WNK2: variants seen among roughly 807,000 people sequenced by gnomAD.
WNK2 encodes the protein serine/threonine-protein kinase WNK2.
WNK2 carries 67 observed loss-of-function variants against 192.1 expected under a neutral mutation model. The ratio of observed to expected loss-of-function variants is 0.35; its 90% CI spans 0.29 to 0.43. WNK2 has a LOEUF of 0.43. Among genes scored for constraint, WNK2 ranks in the 20% least tolerant of loss-of-function variants. The pLI, the probability that WNK2 is intolerant of heterozygous loss-of-function variation, is 1.00. For missense variants in WNK2, 2,698 were observed against 3,089.7 expected (o/e 0.87, Z 3.01); for synonymous variants, 1,439 against 1,393.9 (o/e 1.03, Z -0.72).
In WNK2 at chr9:93,184,970, T is replaced by A; in HGVS notation, c.41T>A (p.Leu14Gln). Residue 14 changes from leucine (L) to glutamine (Q), a missense_variant, in exon 2 of 30, where the codon CTG (leucine) becomes CAG (glutamine). Around this residue, in one of 7 missense-constraint regions of WNK2, gnomAD observed 260 missense variants for 285.6 expected, o/e 0.91. Transcript: ENST00000427277. ...DGGRRDVPGT[L>Q]MEPGRGAGPA... ...GGCCGCCGAGACGTCCCCGGCACGC[T>A]GATGGAGCCCGGGCGCGGCGCGGGG... The A allele has an allele frequency of 8.1e-7, 1 of 1,236,044 alleles. No individual in the cohort carries two copies. 76.6% of individuals were successfully genotyped at this position (1,236,044 alleles called of 1,614,324 possible). A position where few individuals can be genotyped will look rare whatever the true frequency, so the allele number is the denominator to read the frequency against.
At chr9:93,268,465 C>G in intron 18 of WNK2, among the ~76,000 whole-genome samples, 162 bp from the exon 19 acceptor site, 1 of 152,066 alleles carries the variant, frequency 6.6e-6, no homozygotes. Flanking sequence ...GGATTAATGA[C>G]TGGGAACAGT....
rs1037677399 is a variant in WNK2 at position 93,298,057 on chromosome 9, C to A, written c.5913C>A (p.Ala1971=). ...TGGTGCGGCAGCTCAAGGTCGTGGCCTCCAGCACAGGTCGGCCTCCGGGTG... is the reference window on the plus strand; with the variant it reads ...TGGTGCGGCAGCTCAAGGTCGTGGCATCCAGCACAGGTCGGCCTCCGGGTG... The part of the protein sequence containing the change: ...NPLVRQLKVV[A]SSTGHLADSS... Residue 1971 remains alanine, a synonymous_variant, in exon 24 of 30, where the codon GCC becomes GCA. Coordinates refer to ENST00000427277, the MANE Select transcript of WNK2 (RefSeq NM_006648.4). The A allele has an allele frequency of 1.3e-6, 2 of 1,550,076 alleles. No individual in the cohort carries two copies. The highest frequency in any genetic ancestry group is 2.7e-5 in the African/African-American group (2 of 73,058).
intron 2 of WNK2, among the ~76,000 whole-genome samples, chr9:93,203,929 G>T (rs1020216131): frequency 6.6e-6 from 1 of 152,176 alleles, no homozygotes; most frequent in Non-Finnish European, 1.5e-5. Flanking sequence ...AGCCCTGTGG[G>T]AGGGATGTCC....
chr9:93,193,970 G>A (rs548461087), intron 2 of WNK2, among the ~76,000 whole-genome samples: 1 of 152,202 alleles, frequency 6.6e-6, no homozygotes, highest in South Asian at 2.1e-4. Flanking sequence ...AAAGTCAACT[G>A]ATCTCTGACA....
At chr9:93,232,630 G>A (rs1042029356) in intron 4 of WNK2, among the ~76,000 whole-genome samples, 3 of 152,330 alleles carry the variant, frequency 2.0e-5, no homozygotes, top group East Asian at 3.9e-4. Flanking sequence ...CGGCAGCCCC[G>A]GCAGAGCCCC....
intron 7 of WNK2, among the ~76,000 whole-genome samples, chr9:93,241,140 G>A (rs1190196032): frequency 6.6e-6 from 1 of 152,260 alleles, no homozygotes; most frequent in East Asian, 1.9e-4. Flanking sequence ...GAGAACCCTA[G>A]TGCAGGGCCT....
rs757426434 is a variant in WNK2, at chr9:93,229,839, G to A, written c.825G>A (p.Thr275=). The stretch of plus-strand genomic sequence containing the variant: ...GCAAGCGGTGCATTGTGCTGGTGAC[G>A]GAGCTGATGACCTCAGGGACGCTGA... ...AKGKRCIVLV[T]ELMTSGTLKT... The change falls in exon 3 of 30, where the codon ACG becomes ACA. Residue 275 remains threonine (T), a synonymous_variant. Coordinates refer to ENST00000427277, the MANE Select transcript of WNK2 (RefSeq NM_006648.4). This position sits in a 1 kb window ranked among gnomAD's most constrained non-coding sequence, Gnocchi z 4.9. 8 of 1,613,766 alleles carry A rather than the reference G, an allele frequency of 5.0e-6. No individual in the cohort carries two copies. The highest frequency in any genetic ancestry group is 2.7e-5 in the African/African-American group (2 of 74,930).
At chr9:93,222,047 C>T (rs1353750505) in intron 2 of WNK2, among the ~76,000 whole-genome samples, 47 of 152,198 alleles carry the variant, frequency 3.1e-4, no homozygotes, top group Non-Finnish European at 8.8e-5. Flanking sequence ...AGGCAGGCAC[C>T]TACTTCCTTC....
rs566321118 is a variant in WNK2 at position 93,295,046 on chromosome 9, G to A, written c.5708+1873G>A. ...CCTCATTGCAGCATTTCTGCCATGAGCGTTGGGGTTTCCTAGGGCTCCAGG... is the reference window on the plus strand; with the variant it reads ...CCTCATTGCAGCATTTCTGCCATGAACGTTGGGGTTTCCTAGGGCTCCAGG... On this transcript the variant is annotated intron_variant, in intron 23 of 29. Transcript: ENST00000427277. Among the ~76,000 whole-genome samples the A allele has an allele frequency of 2.0e-5, 3 of 152,270 alleles. No individual in the cohort carries two copies. The East Asian group carries it at 5.8e-4, about 29-fold the overall frequency.
chr9:93,284,189 GAAGCTTGTTTT>G (rs1307724873), intron 19 of WNK2, among the ~76,000 whole-genome samples: 1 of 152,154 alleles, frequency 6.6e-6, no homozygotes, highest in Non-Finnish European at 1.5e-5. Flanking sequence ...AGAGAACAAA[GAAGCTTGTTTT>G]ATCAAACTAG....
intron 16 of WNK2, among the ~76,000 whole-genome samples, chr9:93,264,348 C>T (rs1024333726): frequency 6.6e-6 from 1 of 152,140 alleles, no homozygotes; most frequent in African/African-American, 2.4e-5. Flanking sequence ...GAGTGAGGCA[C>T]GGGAGGGCAT....
At chr9:93,265,498 G>T (rs1398641137) in intron 16 of WNK2, among the ~76,000 whole-genome samples, 4 of 152,322 alleles carry the variant, frequency 2.6e-5, no homozygotes, top group Admixed American at 1.3e-4. Flanking sequence ...GCTGCGCTTT[G>T]GTCAGGGAGG....
chr9:93,301,642 G>A (rs1005408163), intron 26 of WNK2, among the ~76,000 whole-genome samples: 1 of 152,078 alleles, frequency 6.6e-6, no homozygotes, highest in African/African-American at 2.4e-5. Flanking sequence ...TTCCTTCTCC[G>A]CAGCCGGTTC....
At chr9:93,235,477 G>A (rs910288384) in intron 5 of WNK2, among the ~76,000 whole-genome samples, 6 of 152,254 alleles carry the variant, frequency 3.9e-5, no homozygotes, top group Admixed American at 3.3e-4. Flanking sequence ...AGCTGGGAAC[G>A]TTAATCCCTG....
At chr9:93,193,691 C>T (rs1046602620) in intron 2 of WNK2, among the ~76,000 whole-genome samples, 1 of 152,226 alleles carries the variant, frequency 6.6e-6, no homozygotes, top group African/African-American at 2.4e-5. Context: ...AGTGGGGACG[C>T]TGGAGGTTGG....
intron 19 of WNK2, among the ~76,000 whole-genome samples, chr9:93,280,714 A>G (rs1281727139): frequency 6.6e-6 from 1 of 152,060 alleles, no homozygotes; most frequent in Non-Finnish European, 1.5e-5. Flanking sequence ...GCTGGGGCTT[A>G]TTTTCTTCAG....
Position 93,289,483 on chromosome 9 carries a change from G to A in WNK2, c.4729G>A (p.Glu1577Lys). Residue 1577 changes from glutamate (E) to lysine (K), a missense_variant, in exon 20 of 30, where the codon GAG (glutamate) becomes AAG (lysine). Physicochemically the swap from Glu to Lys is moderately conservative, Grantham distance 56. Around this residue, in one of 7 missense-constraint regions of WNK2, gnomAD observed 1,098 missense variants for 1,101.0 expected, o/e 1.00. Coordinates refer to ENST00000427277, the MANE Select transcript of WNK2 (RefSeq NM_006648.4). ...TSSASAGTPV[E>K]VGDRDFTLEP... ...CTCAGCCTCAGCTGGGACCCCTGTG[G>A]AGGTGGGCGACAGAGACTTCACCCT... 1 of 1,610,792 alleles carries A rather than the reference G, an allele frequency of 6.2e-7. No individual in the cohort carries two copies. The highest frequency in any genetic ancestry group is 8.5e-7 in the Non-Finnish European group (1 of 1,178,264).
intron 2 of WNK2, among the ~76,000 whole-genome samples, chr9:93,226,594 C>T (rs1018123046): frequency 5.9e-5 from 9 of 152,184 alleles, no homozygotes; most frequent in Non-Finnish European, 1.5e-5. Flanking sequence ...AACATTTCTC[C>T]ATCACCCTCC....
intron 23 of WNK2, 121 bp from the exon 24 acceptor site, chr9:93,297,732 C>A: frequency 9.9e-7 from 1 of 1,007,476 alleles, no homozygotes; most frequent in Non-Finnish European, 1.4e-6. Flanking sequence ...CAGGCCAAGG[C>A]ACAGGCAGGG....
Sources: allele counts gnomAD v4.1 joint callset (sites outside exome capture counted in the v4.1 genomes callset), GRCh38; gene constraint gnomAD v4.1.1; regional missense constraint gnomAD v4.1.1; non-coding constraint Gnocchi (gnomAD v3.1); transcripts MANE v1.5; gene names NCBI Gene and HGNC (gene_info 2026-07-23, HGNC 2026-07-21).